ALMS1: variants seen among roughly 807,000 people sequenced by gnomAD.
ALMS1 encodes ALMS1 centrosome and basal body associated protein.
A neutral mutation model predicts 352.2 loss-of-function variants in ALMS1; 271 were observed. The ratio of observed to expected loss-of-function variants is 0.77; its 90% CI spans 0.70 to 0.85. The LOEUF (loss-of-function observed/expected upper bound fraction) is 0.85, where lower values mean the gene tolerates loss of function less well. ALMS1 is among the 40% of genes least tolerant of loss of function. The pLI, the probability that ALMS1 is intolerant of heterozygous loss-of-function variation, is 0.00. For missense variants in ALMS1, 5,445 were observed against 4,870.7 expected, an observed-to-expected ratio of 1.12 and a Z score of -3.51; for synonymous variants, 1,865 against 1,761.2, an observed-to-expected ratio of 1.06 and a Z score of -1.48.
At chr2:73,464,140 C>A (rs556126783) in intron 9 of ALMS1, among the ~76,000 whole-genome samples, 5,125 of 151,958 alleles carry the variant, frequency 0.034, 214 homozygotes, top group Admixed American at 0.092. Context: ...GAGACACAAC[C>A]AAAAAAGAGA....
At chr2:73,502,545 A>G (rs1673239205) in intron 10 of ALMS1, among the ~76,000 whole-genome samples, 1 of 152,106 alleles carries the variant, frequency 6.6e-6, no homozygotes, top group Non-Finnish European at 1.5e-5. Flanking sequence ...TATTACCTGT[A>G]GATTTTTAAT....
intron 16 of ALMS1, among the ~76,000 whole-genome samples, chr2:73,590,844 AATTTTTTTGT>A (rs1675417799): frequency 6.6e-6 from 1 of 151,486 alleles, no homozygotes; most frequent in African/African-American, 2.4e-5. Flanking sequence ...ACGCCTGACT[AATTTTTTTGT>A]ATTTTTAGTA....
intron 15 of ALMS1, among the ~76,000 whole-genome samples, chr2:73,566,510 C>A (rs372524293): frequency 6.6e-6 from 1 of 152,284 alleles, no homozygotes; most frequent in East Asian, 1.9e-4. Context: ...CAACGACGTG[C>A]AATTTAAAAA....
intron 15 of ALMS1, among the ~76,000 whole-genome samples, chr2:73,569,847 A>G (rs1674882519): frequency 1.3e-5 from 2 of 152,238 alleles, no homozygotes; most frequent in South Asian, 2.1e-4. Flanking sequence ...AAAGTTATGT[A>G]TACTTGTACT....
chr2:73,414,425 T>A (rs551580174), intron 2 of ALMS1, among the ~76,000 whole-genome samples: 32 of 151,642 alleles, frequency 2.1e-4, no homozygotes, highest in Non-Finnish European at 4.3e-4. Flanking sequence ...TTATATTAAC[T>A]ATGCTTTGTT....
intron 1 of ALMS1, among the ~76,000 whole-genome samples, chr2:73,403,522 G>T (rs1670912720): frequency 6.6e-6 from 1 of 151,910 alleles, no homozygotes; most frequent in Non-Finnish European, 1.5e-5. Context: ...AGAGTCTTTT[G>T]TGGTTCTATA....
At chr2:73,478,791 T>G (rs1482467084) in intron 9 of ALMS1, among the ~76,000 whole-genome samples, 1 of 152,094 alleles carries the variant, frequency 6.6e-6, no homozygotes, top group East Asian at 1.9e-4. Flanking sequence ...ATTTAGGTTT[T>G]AAGCCCTGCA....
intron 1 of ALMS1, among the ~76,000 whole-genome samples, chr2:73,386,604 C>T (rs1210974156): frequency 6.6e-6 from 1 of 152,098 alleles, no homozygotes; most frequent in Admixed American, 6.5e-5. Context: ...GCAGGACTCC[C>T]CTGAGGGAGT....
At chr2:73,577,606 A>G (rs1004631910) in intron 16 of ALMS1, among the ~76,000 whole-genome samples, 7 of 151,956 alleles carry the variant, frequency 4.6e-5, no homozygotes, top group African/African-American at 1.4e-4. Context: ...ATTGCTTGCC[A>G]TAAGTTTTGG....
Position 73,534,939 on chromosome 2 carries a change from C to T in ALMS1, c.9897C>T (p.Ser3299=), listed in dbSNP as rs1217540541. 1.9e-5 allele frequency: 30 copies of T among 1,613,654 alleles called. No homozygotes were observed. The highest frequency in any genetic ancestry group is 3.3e-5 in the Admixed American group (2 of 59,998). The change falls in exon 12 of 23, where the codon AGC becomes AGT. Residue 3299 remains serine (S), a synonymous_variant. Coordinates refer to ENST00000613296, the MANE Select transcript of ALMS1 (RefSeq NM_001378454.1). ...CCAAATCAGATACCACCGTTGAAAG[C>T]TCCCATTCAGGTATTATGCAGAAAT... ...PDSKSDTTVE[S]SHSGSNDAIA...
chr2:73,408,808 T>G (rs921238168), intron 2 of ALMS1, 61 bp downstream of exon 2: 2 of 1,546,072 alleles, frequency 1.3e-6, no homozygotes, highest in African/African-American at 2.7e-5. Flanking sequence ...AAATTCTGAT[T>G]TAGCTATGAA....
intron 15 of ALMS1, among the ~76,000 whole-genome samples, chr2:73,563,461 G>A (rs1399504345): frequency 6.6e-6 from 1 of 152,022 alleles, no homozygotes; most frequent in Non-Finnish European, 1.5e-5. Flanking sequence ...GGTGGCTCAC[G>A]CCTGTAATTC....
chr2:73,608,675 C>T (rs919008165), intron 22 of ALMS1, 101 bp downstream of exon 22: 33 of 914,256 alleles, frequency 3.6e-5, no homozygotes, highest in Middle Eastern at 2.3e-4. Context: ...CAGAATGAAC[C>T]GCATTTGAGG....
At chr2:73,556,497 A>G (rs1450188401) in intron 13 of ALMS1, among the ~76,000 whole-genome samples, 4 of 152,192 alleles carry the variant, frequency 2.6e-5, no homozygotes, top group Admixed American at 2.0e-4. Context: ...TAAAATCTAG[A>G]TGATAAAAGT....
Position 73,386,021 on chromosome 2 carries a change from G to C in ALMS1, c.153G>C (p.Gly51=), listed in dbSNP as rs1395563536. The C allele has an allele frequency of 6.4e-7, 1 of 1,556,144 alleles. No homozygotes were observed. Among genetic ancestry groups the C allele is most frequent in the South Asian group, 1.2e-5 (1 of 84,412 alleles). ...TGGAGGAGGTGGAGGAAGAGGCGGG[G>C]CGGGAGTTGGACTCCGACTCTCACT... The part of the protein sequence containing the change: ...VVVEEVEEEA[G]RELDSDSHYG... Residue 51 remains glycine (G), a synonymous_variant, in exon 1 of 23, where the codon GGG becomes GGC. Transcript: ENST00000613296.
intron 1 of ALMS1, among the ~76,000 whole-genome samples, chr2:73,401,197 A>AT (rs146131016): frequency 0.056 from 8,563 of 151,836 alleles, 265 homozygotes; most frequent in African/African-American, 0.068. Context: ...GCTTTTACTG[A>AT]TTTTCTCTCT....
intron 9 of ALMS1, among the ~76,000 whole-genome samples, chr2:73,475,949 A>G (rs923852093): frequency 6.6e-6 from 1 of 151,412 alleles, no homozygotes; most frequent in Non-Finnish European, 1.5e-5. Flanking sequence ...TATATGGTTC[A>G]GTGGCGTTAA....
chr2:73,524,354 TATA>T lies in ALMS1; in HGVS notation c.9781+4344_9781+4346del, dbSNP rs565640084. On this transcript the variant is annotated intron_variant, in intron 11 of 22. Coordinates refer to ENST00000613296, the MANE Select transcript of ALMS1 (RefSeq NM_001378454.1). ...GCTATTTTGATATAGGCATACAGTGTATAATAATCCCATCAAGGTAAATGGGAT... is the reference window on the plus strand; with the variant it reads ...GCTATTTTGATATAGGCATACAGTGTATAATCCCATCAAGGTAAATGGGAT... Among the ~76,000 whole-genome samples, 90 of 152,364 alleles carry T rather than the reference TATA, an allele frequency of 5.9e-4. 1 individual carries two copies. The South Asian group carries it at 0.014, about 23-fold the overall frequency.
chr2:73,484,903 C>T (rs1340241942), intron 9 of ALMS1, among the ~76,000 whole-genome samples: 4 of 152,146 alleles, frequency 2.6e-5, no homozygotes, highest in Admixed American at 6.5e-5. Flanking sequence ...ACATAGTTCT[C>T]GAGCCTTGTT....
Sources: allele counts gnomAD v4.1 joint callset (sites outside exome capture counted in the v4.1 genomes callset), GRCh38; gene constraint gnomAD v4.1.1; transcripts MANE v1.5; gene names NCBI Gene and HGNC (gene_info 2026-07-23, HGNC 2026-07-21).